PCDH11X: variants seen among roughly 807,000 people sequenced by gnomAD.
The protein encoded by PCDH11X is protocadherin-11 X-linked.
Under a neutral mutation model 53.3 loss-of-function variants are expected in PCDH11X, and 18 were observed. The ratio of observed to expected loss-of-function variants is 0.34; its 90% CI spans 0.23 to 0.50. PCDH11X has a LOEUF of 0.50. Among genes scored for constraint, PCDH11X ranks in the 20% least tolerant of loss-of-function variants. The probability of loss-of-function intolerance (pLI) is 0.98; values close to 1 mark genes in which losing one functional copy is unlikely to be tolerated. For missense variants in PCDH11X, 570 were observed against 1,032.4 expected (o/e 0.55, Z 6.14); for synonymous variants, 279 against 393.3 (o/e 0.71, Z 3.44).
At chrX:92,598,342 T>TA (rs1000325027) in intron 10 of PCDH11X, among the ~76,000 whole-genome samples, 4 of 97,734 alleles carry the variant, frequency 4.1e-5, no homozygotes, top group South Asian at 4.3e-4. Context: ...ACAACTGTAT[T>TA]AAAAAAAAGA....
At chrX:91,793,565 T>C (rs896190009) in intron 1 of PCDH11X, among the ~76,000 whole-genome samples, 12 of 111,189 alleles carry the variant, frequency 1.1e-4, no homozygotes, top group African/African-American at 3.6e-4. Context: ...AAGAAAGGAA[T>C]ACTAAGTTGG....
intron 6 of PCDH11X, among the ~76,000 whole-genome samples, chrX:92,084,091 AAAC>A (rs200977655): frequency 3.1e-4 from 34 of 108,084 alleles, no homozygotes; most frequent in Non-Finnish European, 3.0e-4. Context: ...ACTCTGTCAA[AAAC>A]AACAACAACA....
intron 6 of PCDH11X, among the ~76,000 whole-genome samples, chrX:91,996,084 G>T (rs190000352): frequency 6.9e-5 from 7 of 101,501 alleles, no homozygotes; most frequent in Admixed American, 1.1e-4. Flanking sequence ...CTTGTGATCC[G>T]CCCGCCTTAG....
rs1452039826 is a variant in PCDH11X at position 92,475,127 on chromosome X, T to G, written c.3367+6805T>G. On this transcript the variant is annotated intron_variant, in intron 10 of 10. Coordinates refer to ENST00000682573, the MANE Select transcript of PCDH11X (RefSeq NM_032968.5). ...TTGCAGTGAGCCGAGATCCCGCCACTGCACTCCAGCCTGGGCGACAGAGCG... is the reference window on the plus strand; with the variant it reads ...TTGCAGTGAGCCGAGATCCCGCCACGGCACTCCAGCCTGGGCGACAGAGCG... Among the ~76,000 whole-genome samples, 41 of 78,955 alleles carry G rather than the reference T, an allele frequency of 5.2e-4. 1 individual carries two copies. The highest frequency in any genetic ancestry group is 2.1e-3 in the African/African-American group (38 of 18,429). The allele number at this position is 78,955 out of a possible 115,157, so 68.6% of individuals were successfully genotyped here.
chrX:92,117,467 C>G (rs948679079), intron 6 of PCDH11X, among the ~76,000 whole-genome samples: 1 of 109,686 alleles, frequency 9.1e-6, no homozygotes, highest in African/African-American at 3.3e-5. Flanking sequence ...CATATTCACA[C>G]AAATACTCTC....
chrX:92,085,838 A>T (rs1368523084), intron 6 of PCDH11X, among the ~76,000 whole-genome samples: 1 of 111,545 alleles, frequency 9.0e-6, no homozygotes, highest in Admixed American at 9.6e-5. Context: ...TTCTATGCCT[A>T]TGCTGTCTAG....
In PCDH11X at chrX:92,220,966, C is replaced by G. The variant is rs1357901451; in HGVS notation, c.3114+19511C>G. Among the ~76,000 whole-genome samples the G allele has an allele frequency of 6.0e-5, 6 of 99,555 alleles. No homozygotes were observed. The East Asian group carries it at 9.5e-4, about 16-fold the overall frequency. The allele number at this position is 99,555 out of a possible 115,157, so 86.5% of individuals were successfully genotyped here. On this transcript the variant is annotated intron_variant, in intron 7 of 10. Coordinates refer to ENST00000682573, the MANE Select transcript of PCDH11X (RefSeq NM_032968.5). ...TCACAAGAACAAAAAACCAAACACC[C>G]CATGTTCTCACTCATAGGTGGGAAT...
chrX:92,462,983 T>G (rs1247657047), intron 9 of PCDH11X, among the ~76,000 whole-genome samples: 3 of 110,981 alleles, frequency 2.7e-5, no homozygotes, highest in Admixed American at 1.9e-4. Flanking sequence ...ATATAAATTT[T>G]TCTGTAAGAT....
chrX:92,533,239 A>G (rs747778590), intron 10 of PCDH11X, among the ~76,000 whole-genome samples: 1 of 111,553 alleles, frequency 9.0e-6, no homozygotes, highest in South Asian at 3.8e-4. Flanking sequence ...TTATGTGTAC[A>G]ATAAAAATGT....
rs910918818 is a variant in PCDH11X, at chrX:92,424,265, G to C, written c.3343+36332G>C. Among the ~76,000 whole-genome samples the C allele has an allele frequency of 2.6e-4, 24 of 91,459 alleles. 5 individuals are homozygous for C. The highest frequency in any genetic ancestry group is 4.6e-4 in the Non-Finnish European group (19 of 41,705). The allele number at this position is 91,459 out of a possible 115,157, so 79.4% of individuals were successfully genotyped here. A position where few individuals can be genotyped will look rare whatever the true frequency, so the allele number is the denominator to read the frequency against. On this transcript the variant is annotated intron_variant, in intron 9 of 10. Coordinates refer to ENST00000682573, the MANE Select transcript of PCDH11X (RefSeq NM_032968.5). ...TAAATGTTATATAGTATAGCCTCTG[G>C]GTTCTATTTTAATCATCTGGATAAT... is the stretch of plus-strand genomic sequence containing the variant.
intron 7 of PCDH11X, among the ~76,000 whole-genome samples, chrX:92,224,386 G>A (rs1456972275): frequency 8.9e-6 from 1 of 111,866 alleles, no homozygotes; most frequent in East Asian, 2.8e-4. Flanking sequence ...ATCCTTGAAG[G>A]TGTCTAACAT....
chrX:92,543,747 C>A (rs2074796556), intron 10 of PCDH11X, among the ~76,000 whole-genome samples: 1 of 103,518 alleles, frequency 9.7e-6, no homozygotes. Context: ...CACTGCACTC[C>A]AGCCTGGGTG....
At chrX:92,072,463 A>G (rs1390481328) in intron 6 of PCDH11X, among the ~76,000 whole-genome samples, 2 of 111,424 alleles carry the variant, frequency 1.8e-5, no homozygotes, top group Non-Finnish European at 3.8e-5. Flanking sequence ...CCTGGGTATC[A>G]CTGCTGGTTA....
At chrX:91,983,735 T>C (rs1178096467) in intron 6 of PCDH11X, among the ~76,000 whole-genome samples, 1 of 111,641 alleles carries the variant, frequency 9.0e-6, no homozygotes, top group Non-Finnish European at 1.9e-5. Flanking sequence ...TTATGGGAGC[T>C]ACAAGATGAG....
At chrX:91,848,197 T>A (rs965559694) in intron 5 of PCDH11X, among the ~76,000 whole-genome samples, 4 of 98,384 alleles carry the variant, frequency 4.1e-5, no homozygotes, top group Admixed American at 1.0e-4. Context: ...AGAGGAATTT[T>A]TTTTTTGTTT....
chrX:92,398,092 A>AC (rs761458889), intron 9 of PCDH11X, among the ~76,000 whole-genome samples: 1 of 112,041 alleles, frequency 8.9e-6, no homozygotes, highest in Non-Finnish European at 1.9e-5. Flanking sequence ...ACATTTTTGC[A>AC]AAACAGCTTA....
intron 5 of PCDH11X, among the ~76,000 whole-genome samples, chrX:91,855,697 G>C (rs1050410335): frequency 2.7e-5 from 3 of 110,389 alleles, no homozygotes; most frequent in Admixed American, 9.7e-5. Context: ...CATAGTTTTC[G>C]TGATTGAGAT....
At chrX:91,873,320 G>T in intron 5 of PCDH11X, among the ~76,000 whole-genome samples, 1 of 108,601 alleles carries the variant, frequency 9.2e-6, no homozygotes. Flanking sequence ...CTTAAAATAT[G>T]GGTAGTGCAA....
At chrX:92,465,168 A>G (rs778965715) in intron 9 of PCDH11X, among the ~76,000 whole-genome samples, 1 of 111,751 alleles carries the variant, frequency 8.9e-6, no homozygotes, top group African/African-American at 3.2e-5. Context: ...AAAAAAGCCC[A>G]TAAGAATAGG....
Sources: allele counts gnomAD v4.1 joint callset (sites outside exome capture counted in the v4.1 genomes callset), GRCh38; gene constraint gnomAD v4.1.1; transcripts MANE v1.5; gene names NCBI Gene and HGNC (gene_info 2026-07-23, HGNC 2026-07-21).